The following OXR1 variants were observed in gnomAD, a reference collection of about 807,000 sequenced individuals.
OXR1 encodes the protein oxidation resistance protein 1.
A neutral mutation model predicts 104.6 loss-of-function variants in OXR1; 41 were observed. The observed-to-expected ratio is 0.39, with a 90% CI of 0.31 to 0.51. The LOEUF (loss-of-function observed/expected upper bound fraction) is 0.51, where lower values mean the gene tolerates loss of function less well. Among genes scored for constraint, OXR1 ranks in the 20% least tolerant of loss-of-function variants. The pLI is 0.77. For synonymous variants in OXR1, 348 were observed against 348.4 expected, an observed-to-expected ratio of 1.00 and a Z score of 0.01; for missense variants, 955 against 1,031.9, an observed-to-expected ratio of 0.93 and a Z score of 1.02.
intron 3 of OXR1, among the ~76,000 whole-genome samples, chr8:106,612,175 A>G (rs1586896616): frequency 6.6e-6 from 1 of 152,288 alleles, no homozygotes; most frequent in Middle Eastern, 3.4e-3. Flanking sequence ...CTTTTGTAGA[A>G]AAAAATATTA....
At chr8:106,460,765 C>T (rs1820864398) in intron 2 of OXR1, among the ~76,000 whole-genome samples, 1 of 152,116 alleles carries the variant, frequency 6.6e-6, no homozygotes, top group Non-Finnish European at 1.5e-5. Context: ...TGAGAATGTA[C>T]TAGCCATGTA....
chr8:106,671,194 A>C (rs1224303650), intron 3 of OXR1, among the ~76,000 whole-genome samples: 1 of 151,592 alleles, frequency 6.6e-6, no homozygotes, highest in Non-Finnish European at 1.5e-5. Flanking sequence ...ACCTTCAATC[A>C]TACAGCATTA....
chr8:106,616,951 T>C (rs1445461664), intron 3 of OXR1, among the ~76,000 whole-genome samples: 4 of 152,170 alleles, frequency 2.6e-5, no homozygotes, highest in Non-Finnish European at 4.4e-5. Flanking sequence ...TGTTACAGTA[T>C]GTATATATCT....
chr8:106,652,877 AG>A (rs1824717288), intron 3 of OXR1, among the ~76,000 whole-genome samples: 1 of 151,742 alleles, frequency 6.6e-6, no homozygotes, highest in East Asian at 1.9e-4. Context: ...ACAAAGATTT[AG>A]ATCGAGCAAG....
chr8:106,586,766 G>A (rs1209961116), intron 3 of OXR1, among the ~76,000 whole-genome samples: 1 of 152,110 alleles, frequency 6.6e-6, no homozygotes, highest in Admixed American at 6.5e-5. Context: ...TGATGTCCTG[G>A]GGGCGAGTGA....
chr8:106,551,837 TGTGTAC>T (rs1357734964), intron 3 of OXR1, among the ~76,000 whole-genome samples: 2 of 143,996 alleles, frequency 1.4e-5, no homozygotes, highest in African/African-American at 5.2e-5. Flanking sequence ...CATATATATA[TGTGTAC>T]ATATATGTGT....
intron 2 of OXR1, among the ~76,000 whole-genome samples, chr8:106,365,619 A>G (rs1816439456): frequency 6.6e-6 from 1 of 152,196 alleles, no homozygotes; most frequent in Non-Finnish European, 1.5e-5. Flanking sequence ...GTCTTTCATT[A>G]GTAAAATGAT....
intron 3 of OXR1, chr8:106,658,276 G>C (rs552478493): frequency 1.6e-6 from 2 of 1,216,842 alleles, no homozygotes; most frequent in Non-Finnish European, 2.0e-6. Context: ...GGGGGTCGCT[G>C]CCCGGCTCTG....
intron 3 of OXR1, among the ~76,000 whole-genome samples, chr8:106,595,395 C>T (rs909714719): frequency 6.6e-6 from 1 of 151,646 alleles, no homozygotes; most frequent in East Asian, 1.9e-4. Flanking sequence ...ACTAAAAATA[C>T]AAAAATTAGC....
At chr8:106,713,219 A>G (rs557140451) in intron 10 of OXR1, among the ~76,000 whole-genome samples, 3 of 152,124 alleles carry the variant, frequency 2.0e-5, no homozygotes, top group South Asian at 4.1e-4. Context: ...ATTAAAACCA[A>G]TAAAACGTAG....
chr8:106,538,790 G>T (rs1428638280), intron 3 of OXR1, among the ~76,000 whole-genome samples: 1 of 152,168 alleles, frequency 6.6e-6, no homozygotes, highest in East Asian at 1.9e-4. Context: ...GTAAAACAAA[G>T]TTAAAGTTTG....
intron 1 of OXR1, among the ~76,000 whole-genome samples, chr8:106,303,144 C>A (rs1813323811): frequency 6.6e-6 from 1 of 151,358 alleles, no homozygotes; most frequent in African/African-American, 2.4e-5. Context: ...TATAGATTGG[C>A]TGAATTTTTC....
chr8:106,511,036 C>T (rs1812489370), intron 2 of OXR1, among the ~76,000 whole-genome samples: 1 of 152,132 alleles, frequency 6.6e-6, no homozygotes, highest in Non-Finnish European at 1.5e-5. Context: ...ATAGTATGGC[C>T]ACTGCAATTA....
intron 3 of OXR1, among the ~76,000 whole-genome samples, chr8:106,555,202 T>A (rs1816172637): frequency 6.6e-6 from 1 of 152,130 alleles, no homozygotes. Flanking sequence ...AACCACTGTT[T>A]TATATTTTTT....
intron 4 of OXR1, among the ~76,000 whole-genome samples, chr8:106,680,001 A>G (rs1410639936): frequency 6.6e-6 from 1 of 152,088 alleles, no homozygotes; most frequent in Non-Finnish European, 1.5e-5. Context: ...ATTAAGGAGA[A>G]CAGCAATTTT....
At chr8:106,493,614 T>C (rs1276470635) in intron 2 of OXR1, among the ~76,000 whole-genome samples, 3 of 152,092 alleles carry the variant, frequency 2.0e-5, no homozygotes, top group Non-Finnish European at 4.4e-5. Context: ...ACGTTTTTGC[T>C]CTTTTGGGAC....
At chr8:106,594,908 CAG>C (rs1819396570) in intron 3 of OXR1, among the ~76,000 whole-genome samples, 1 of 151,534 alleles carries the variant, frequency 6.6e-6, no homozygotes, top group African/African-American at 2.4e-5. Flanking sequence ...TGGAAAGTAT[CAG>C]AGTGATGAAA....
chr8:106,357,934 C>T (rs1816049782), intron 1 of OXR1, among the ~76,000 whole-genome samples: 1 of 152,164 alleles, frequency 6.6e-6, no homozygotes, highest in South Asian at 2.1e-4. Flanking sequence ...CACTTCCCCA[C>T]CTTCCTTACC....
At chr8:106,718,875 C>T (rs1254602347) in intron 11 of OXR1, among the ~76,000 whole-genome samples, 1 of 150,104 alleles carries the variant, frequency 6.7e-6, no homozygotes, top group Non-Finnish European at 1.5e-5. Context: ...GAATTAATTG[C>T]GTCAACATGG....
Sources: allele counts gnomAD v4.1 joint callset (sites outside exome capture counted in the v4.1 genomes callset), GRCh38; gene constraint gnomAD v4.1.1; transcripts MANE v1.5; gene names NCBI Gene and HGNC (gene_info 2026-07-23, HGNC 2026-07-21).